MROH9: variants seen among roughly 807,000 people sequenced by gnomAD.
MROH9 encodes maestro heat-like repeat-containing protein family member 9.
In MROH9, 92 loss-of-function variants were observed where a neutral mutation model predicts 98.2. The ratio of observed to expected loss-of-function variants is 0.94; its 90% CI spans 0.79 to 1.11. The LOEUF (loss-of-function observed/expected upper bound fraction) is 1.11, where lower values mean the gene tolerates loss of function less well. MROH9 is among the 50% of genes most tolerant of loss of function. The probability of loss-of-function intolerance (pLI) is 0.00; values close to 1 mark genes in which losing one functional copy is unlikely to be tolerated. For synonymous variants in MROH9, 397 were observed against 368.9 expected, an observed-to-expected ratio of 1.08 and a Z score of -0.87; for missense variants, 1,057 against 1,014.8, an observed-to-expected ratio of 1.04 and a Z score of -0.57.
At chr1:170,950,483 G>A (rs1649507484) in intron 3 of MROH9, among the ~76,000 whole-genome samples, 1 of 151,372 alleles carries the variant, frequency 6.6e-6, no homozygotes, top group Non-Finnish European at 1.5e-5. Flanking sequence ...ATATACCTTA[G>A]AGGCTAAAAC....
rs368109444 is a variant in MROH9, at chr1:171,062,197, G to A, written c.2344+3G>A. The A allele has an allele frequency of 6.2e-4, 955 of 1,539,502 alleles. 8 individuals carry two copies. The highest frequency in any genetic ancestry group is 4.8e-4 in the Admixed American group (24 of 50,152). The stretch of plus-strand genomic sequence containing the variant: ...TGAAATCGAAGTCATGCTTGATGGT[G>A]AGTATTGAGGTTATAACAAAATCTT... On this transcript the variant is annotated splice_donor_region_variant and intron_variant, in intron 21 of 21. Coordinates refer to ENST00000367759, the MANE Select transcript of MROH9 (RefSeq NM_001163629.2).
At chr1:171,055,577 G>T (rs1014121799) in intron 20 of MROH9, among the ~76,000 whole-genome samples, 1 of 143,848 alleles carries the variant, frequency 7.0e-6, no homozygotes, top group Non-Finnish European at 1.5e-5. Context: ...AGCCAAGATC[G>T]CTCCACTGCA....
chr1:170,979,120 A>G (rs1294028412), intron 8 of MROH9, among the ~76,000 whole-genome samples: 1 of 152,250 alleles, frequency 6.6e-6, no homozygotes, highest in Admixed American at 6.5e-5. Context: ...AGAATACAGC[A>G]TAGTGTAAAC....
At chr1:171,004,182 G>A (rs1651873397) in intron 15 of MROH9, among the ~76,000 whole-genome samples, 1 of 152,134 alleles carries the variant, frequency 6.6e-6, no homozygotes. Context: ...AGCTGCAAAA[G>A]AAAAAGGCTT....
chr1:170,957,556 A>T (rs1287396120), intron 3 of MROH9, among the ~76,000 whole-genome samples: 1 of 152,108 alleles, frequency 6.6e-6, no homozygotes, highest in East Asian at 1.9e-4. Flanking sequence ...CAGTCCCTAC[A>T]ATTTTAATTA....
At chr1:170,953,225 T>C (rs1241787163) in intron 3 of MROH9, among the ~76,000 whole-genome samples, 1 of 152,116 alleles carries the variant, frequency 6.6e-6, no homozygotes, top group Non-Finnish European at 1.5e-5. Flanking sequence ...TTTAGAAGTA[T>C]TTTATAAATA....
intron 15 of MROH9, among the ~76,000 whole-genome samples, chr1:170,999,146 T>C (rs1360471341): frequency 6.6e-6 from 1 of 151,874 alleles, no homozygotes; most frequent in African/African-American, 2.4e-5. Context: ...CAATCTTTAG[T>C]TGACTATTTA....
At chr1:170,967,211 C>G (rs1650266827) in intron 7 of MROH9, among the ~76,000 whole-genome samples, 1 of 152,104 alleles carries the variant, frequency 6.6e-6, no homozygotes, top group South Asian at 2.1e-4. Context: ...ACGGAATAAC[C>G]TATTACTCGG....
At chr1:171,016,358 G>T (rs762723853) in intron 17 of MROH9, 22 bp downstream of exon 17, 2 of 1,432,640 alleles carry the variant, frequency 1.4e-6, no homozygotes, top group Non-Finnish European at 1.8e-6. Flanking sequence ...AGTTAGATAT[G>T]TGAGATCATT....
intron 8 of MROH9, among the ~76,000 whole-genome samples, chr1:170,980,939 C>A (rs1432304971): frequency 6.6e-6 from 1 of 151,868 alleles, no homozygotes; most frequent in Non-Finnish European, 1.5e-5. Flanking sequence ...AACAAACAAC[C>A]CCATCAAAAA....
At chr1:171,002,946 A>G (rs1421199555) in intron 15 of MROH9, among the ~76,000 whole-genome samples, 3 of 151,594 alleles carry the variant, frequency 2.0e-5, no homozygotes, top group Non-Finnish European at 2.9e-5. Context: ...CTTTGTTCAT[A>G]TTTTCTTACT....
intron 3 of MROH9, among the ~76,000 whole-genome samples, chr1:170,948,865 A>G (rs1649437781): frequency 6.6e-6 from 1 of 152,090 alleles, no homozygotes; most frequent in African/African-American, 2.4e-5. Context: ...GCGTGGAGAA[A>G]GAAAAAGCAA....
intron 20 of MROH9, among the ~76,000 whole-genome samples, chr1:171,031,975 C>T (rs1652930063): frequency 6.6e-6 from 1 of 152,078 alleles, no homozygotes; most frequent in African/African-American, 2.4e-5. Context: ...TTTCTTCATT[C>T]CTTTTCATTC....
Position 171,062,145 on chromosome 1 carries a change from A to T in MROH9, c.2295A>T (p.Lys765Asn), listed in dbSNP as rs964187451. The T allele has an allele frequency of 2.6e-5, 40 of 1,549,094 alleles. No homozygotes were observed. Among genetic ancestry groups the T allele is most frequent in the Non-Finnish European group, 3.4e-5 (39 of 1,144,854 alleles). Residue 765 changes from lysine (K) to asparagine (N), a missense_variant, in exon 21 of 22, where the codon AAA becomes AAT. Coordinates refer to ENST00000367759, the MANE Select transcript of MROH9 (RefSeq NM_001163629.2). ...ASVILIGYLA[K>N]SGGHLLLRDE... ...TTATGTGCATAGGATATTTGGCAAA[A>T]TCAGGTGGTCATTTACTGCTTAGAG...
At position 170,976,755 on chromosome 1, in the gene MROH9, T is replaced by C. The variant is rs190909145; in HGVS notation, c.616+4872T>C. Among the ~76,000 whole-genome samples, 615 of 152,254 alleles carry C rather than the reference T, an allele frequency of 4.0e-3. 1 individual carries two copies. Among genetic ancestry groups the C allele is most frequent in the Non-Finnish European group, 6.9e-3 (468 of 68,020 alleles). On this transcript the variant is annotated intron_variant, in intron 8 of 21. Coordinates refer to ENST00000367759, the MANE Select transcript of MROH9 (RefSeq NM_001163629.2). ...AGAATTGTGCAGAGGTTGTCTGTAT[T>C]TCCTGAATTTGACTGTTGACCTGTC...
intron 7 of MROH9, among the ~76,000 whole-genome samples, chr1:170,966,242 A>G (rs1265714208): frequency 2.0e-5 from 3 of 152,062 alleles, no homozygotes; most frequent in Non-Finnish European, 4.4e-5. Flanking sequence ...TAATTTTTGC[A>G]TTTCGGATGG....
chr1:171,031,535 G>A (rs1256081931), intron 20 of MROH9, among the ~76,000 whole-genome samples: 1 of 152,130 alleles, frequency 6.6e-6, no homozygotes, highest in Non-Finnish European at 1.5e-5. Flanking sequence ...CTTTGCTTAT[G>A]AAGCTTAATT....
At chr1:171,028,717 T>A (rs1652809309) in intron 20 of MROH9, among the ~76,000 whole-genome samples, 1 of 152,222 alleles carries the variant, frequency 6.6e-6, no homozygotes, top group African/African-American at 2.4e-5. Context: ...CAGTGGTTTG[T>A]AGTTCTCCTT....
intron 20 of MROH9, among the ~76,000 whole-genome samples, chr1:171,030,788 T>C (rs753622505): frequency 1.3e-5 from 2 of 152,146 alleles, no homozygotes; most frequent in African/African-American, 2.4e-5. Flanking sequence ...GAGTTCTGCA[T>C]ATGTCTATTG....
Sources: allele counts gnomAD v4.1 joint callset (sites outside exome capture counted in the v4.1 genomes callset), GRCh38; gene constraint gnomAD v4.1.1; transcripts MANE v1.5; gene names NCBI Gene and HGNC (gene_info 2026-07-23, HGNC 2026-07-21).